ESR1: variants seen among roughly 807,000 people sequenced by gnomAD.
ESR1 encodes the protein estrogen receptor 1.
A neutral mutation model predicts 52.7 loss-of-function variants in ESR1; 12 were observed. The observed-to-expected ratio is 0.23, with a 90% confidence interval of 0.15 to 0.37. The LOEUF is 0.37. Ranked by LOEUF, ESR1 falls within the 10% of genes least tolerant of loss-of-function variation. The probability of loss-of-function intolerance (pLI) is 1.00; values close to 1 mark genes in which losing one functional copy is unlikely to be tolerated. For synonymous variants in ESR1, 305 were observed against 316.8 expected (o/e 0.96, Z 0.39); for missense variants, 584 against 779.7 (o/e 0.75, Z 2.99).
At chr6:151,806,530 G>GTATGTATATATATATATATATATA (rs1430574846), upstream of ESR1, among the ~76,000 whole-genome samples, 2 of 96,444 alleles carry the variant, frequency 2.1e-5, no homozygotes, top group South Asian at 3.3e-4. Flanking sequence ...TCCTTAATAT[G>GTATGTATATATATATATATATATA]TATATATATA....
chr6:151,695,737 T>C (rs1208283286), intron 1 of ESR1, among the ~76,000 whole-genome samples: 2 of 152,224 alleles, frequency 1.3e-5, no homozygotes, highest in Non-Finnish European at 2.9e-5. Flanking sequence ...TTGGCTTTTG[T>C]ACTCTAATAA....
chr6:151,808,493 G>A, intron 1 of ESR1, 129 bp downstream of exon 1: 1 of 763,868 alleles, frequency 1.3e-6, no homozygotes, highest in Non-Finnish European at 1.9e-6. Flanking sequence ...GGTGCGCGCA[G>A]GGAGCCCGGG....
intron 4 of ESR1, among the ~76,000 whole-genome samples, chr6:151,962,428 G>C (rs909137513): frequency 1.3e-5 from 2 of 151,856 alleles, no homozygotes; most frequent in African/African-American, 4.8e-5. Flanking sequence ...TTGCCTGCTT[G>C]GGTGTTGACC....
intron 3 of ESR1, among the ~76,000 whole-genome samples, chr6:151,898,452 G>A (rs1015172533): frequency 6.7e-6 from 1 of 149,914 alleles, no homozygotes; most frequent in African/African-American, 2.5e-5. Flanking sequence ...CGCAGAGGGG[G>A]ATTTGGCAGG....
At chr6:151,774,219 C>T (rs954255964) in intron 2 of ESR1, among the ~76,000 whole-genome samples, 1 of 152,208 alleles carries the variant, frequency 6.6e-6, no homozygotes, top group African/African-American at 2.4e-5. Flanking sequence ...TGGGGAATGC[C>T]ACTCAATCTC....
intron 2 of ESR1, among the ~76,000 whole-genome samples, chr6:151,875,052 T>A (rs947853478): frequency 6.6e-6 from 1 of 152,222 alleles, no homozygotes; most frequent in African/African-American, 2.4e-5. Flanking sequence ...TTTGAATATG[T>A]TGATTTTTCT....
At chr6:151,659,265 A>T (rs182068614) in intron 1 of ESR1, among the ~76,000 whole-genome samples, 7 of 152,134 alleles carry the variant, frequency 4.6e-5, no homozygotes, top group Non-Finnish European at 1.0e-4. Flanking sequence ...CGCCCACCTC[A>T]GCCTCCCAGA....
chr6:151,988,433 CA>C (rs2040707640), intron 4 of ESR1, among the ~76,000 whole-genome samples: 1 of 152,072 alleles, frequency 6.6e-6, no homozygotes. Flanking sequence ...GCTGTAAATA[CA>C]GATGAAGCTT....
intron 5 of ESR1, among the ~76,000 whole-genome samples, chr6:152,040,220 C>T (rs1407151169): frequency 3.9e-5 from 6 of 152,260 alleles, no homozygotes; most frequent in African/African-American, 7.2e-5. Context: ...AGCCTTGGTA[C>T]GTGGAAGTCC....
At chr6:152,023,101 G>C (rs2043823292) in intron 5 of ESR1, among the ~76,000 whole-genome samples, 1 of 151,994 alleles carries the variant, frequency 6.6e-6, no homozygotes. Flanking sequence ...GTTTCTAAAG[G>C]GAGCATTTTT....
At chr6:151,683,763 A>T (rs183913603) in intron 1 of ESR1, among the ~76,000 whole-genome samples, 6 of 150,826 alleles carry the variant, frequency 4.0e-5, no homozygotes, top group Admixed American at 4.0e-4. Flanking sequence ...CAGAGGTGCT[A>T]TCTCAGGTCA....
chr6:152,091,873 C>T (rs534416988), intron 6 of ESR1, among the ~76,000 whole-genome samples: 1 of 152,286 alleles, frequency 6.6e-6, no homozygotes, highest in Admixed American at 6.5e-5. Flanking sequence ...AGGCCAGCAT[C>T]CTGGGTGGGA....
chr6:151,909,709 G>A (rs1040729473), intron 3 of ESR1, among the ~76,000 whole-genome samples: 10 of 152,172 alleles, frequency 6.6e-5, no homozygotes, highest in Admixed American at 3.9e-4. Context: ...TTGGGCAGAA[G>A]CATGACCCCT....
chr6:151,681,327 G>A (rs548508361), intron 1 of ESR1, among the ~76,000 whole-genome samples: 31 of 152,130 alleles, frequency 2.0e-4, no homozygotes, highest in Admixed American at 1.6e-3. Context: ...GCCTCAGGAC[G>A]ATTGGACCGA....
At chr6:151,974,892 T>C (rs114602685) in intron 4 of ESR1, among the ~76,000 whole-genome samples, 2,350 of 152,310 alleles carry the variant, frequency 0.015, 74 homozygotes, top group African/African-American at 0.054. Flanking sequence ...CTTTTCTACG[T>C]GTTTGATCTG....
At chr6:151,666,525 G>T (rs1777827872) in intron 1 of ESR1, among the ~76,000 whole-genome samples, 1 of 152,094 alleles carries the variant, frequency 6.6e-6, no homozygotes, top group African/African-American at 2.4e-5. Flanking sequence ...GACCTTGCTG[G>T]GTCCACTGCA....
At chr6:151,845,666 C>A (rs9322332) in intron 2 of ESR1, among the ~76,000 whole-genome samples, 65,312 of 151,976 alleles carry the variant, frequency 0.43, 14,233 homozygotes, top group Non-Finnish European at 0.46. Flanking sequence ...AAACAGTAGC[C>A]TATAAAAATG....
At chr6:151,722,515 T>C (rs1259252550) in intron 2 of ESR1, among the ~76,000 whole-genome samples, 1 of 152,180 alleles carries the variant, frequency 6.6e-6, no homozygotes, top group African/African-American at 2.4e-5. Context: ...GCTGGTGCTG[T>C]TGGCGTGAAA....
chr6:151,990,584 C>T (rs1193068977), intron 4 of ESR1, among the ~76,000 whole-genome samples: 1 of 151,504 alleles, frequency 6.6e-6, no homozygotes, highest in African/African-American at 2.5e-5. Context: ...GCTCCCATTC[C>T]ATGGGGAAGA....
Sources: allele counts gnomAD v4.1 joint callset (sites outside exome capture counted in the v4.1 genomes callset), GRCh38; gene constraint gnomAD v4.1.1; transcripts MANE v1.5; gene names NCBI Gene and HGNC (gene_info 2026-07-23, HGNC 2026-07-21).